The following HTR3B variants were observed in gnomAD, a reference collection of about 807,000 sequenced individuals.
HTR3B encodes the protein 5-hydroxytryptamine receptor 3B, also known as 5-hydroxytryptamine (serotonin) receptor 3B, ionotropic.
In HTR3B, 44 loss-of-function variants were observed where a neutral mutation model predicts 42.8. That is an observed-to-expected ratio of 1.03 (90% confidence interval 0.81 to 1.32). The LOEUF (loss-of-function observed/expected upper bound fraction) is 1.32. Ranked by LOEUF, HTR3B falls within the 40% of genes most tolerant of loss-of-function variation. HTR3B has a pLI of 0.00. For synonymous variants in HTR3B, 203 were observed against 209.0 expected, an observed-to-expected ratio of 0.97 and a Z score of 0.25; for missense variants, 527 against 536.5, an observed-to-expected ratio of 0.98 and a Z score of 0.17.
intron 2 of HTR3B, among the ~76,000 whole-genome samples, chr11:113,913,161 A>G (rs1413579524): frequency 6.6e-6 from 1 of 150,640 alleles, no homozygotes; most frequent in East Asian, 1.9e-4. Context: ...TTAGTTTGTT[A>G]TGGTTTGAAT....
At chr11:113,910,685 C>T (rs967762115) in intron 2 of HTR3B, among the ~76,000 whole-genome samples, 7 of 152,068 alleles carry the variant, frequency 4.6e-5, no homozygotes, top group Non-Finnish European at 8.8e-5. Context: ...AGTGATCCAT[C>T]TGCCTCGGCC....
chr11:113,923,684 A>T (rs548795428), intron 2 of HTR3B, among the ~76,000 whole-genome samples: 1 of 152,346 alleles, frequency 6.6e-6, no homozygotes, highest in South Asian at 2.1e-4. Context: ...TGCTTTTAAC[A>T]AGCAAGATGG....
Position 113,933,081 on chromosome 11 carries a change from G to A in HTR3B, c.684G>A (p.Gln228=), listed in dbSNP as rs571732147. 2.5e-6 allele frequency: 4 copies of A among 1,613,706 alleles called. No individual in the cohort carries two copies. The African/African-American group carries it at 4.0e-5, about 16-fold the overall frequency. The change falls in exon 6 of 9, where the codon CAG becomes CAA. Residue 228 remains glutamine (Q), a synonymous_variant. Transcript: ENST00000260191. Reference sequence around the variant, plus strand: ...AGAGCAGCGCTGGAGGATTTGCACAGATTCAGTTTAATGTAGGTTCTTTAC... The same window carrying A: ...AGAGCAGCGCTGGAGGATTTGCACAAATTCAGTTTAATGTAGGTTCTTTAC... ...ILQSSAGGFA[Q]IQFNVVMRRH...
rs1001435044 is a variant in HTR3B at position 113,948,211 on chromosome 11, G to A, written c.*2074G>A. Among the ~76,000 whole-genome samples, 2 of 152,084 alleles carry A rather than the reference G, an allele frequency of 1.3e-5. No individual in the cohort carries two copies. The highest frequency in any genetic ancestry group is 2.9e-5 in the Non-Finnish European group (2 of 68,026). ...TACTGCTGGCCTCCTCTGCTTTGAC[G>A]TGCTCAGTTAGGCATCACGGTCCTG... On this transcript the variant is annotated 3_prime_UTR_variant, in exon 9 of 9. Coordinates refer to ENST00000260191, the MANE Select transcript of HTR3B (RefSeq NM_006028.5).
chr11:113,944,550 G>A (rs1326693247), intron 7 of HTR3B, 23 bp from the exon 8 acceptor site: 6 of 1,607,072 alleles, frequency 3.7e-6, no homozygotes, highest in Non-Finnish European at 5.1e-6. Context: ...GAGGCTAACT[G>A]CACCTCTTCT....
At chr11:113,899,513 C>G in the HTR3B span, among the ~76,000 whole-genome samples, 1 of 152,086 alleles carries the variant, frequency 6.6e-6, no homozygotes, top group Non-Finnish European at 1.5e-5. Context: ...AGCATGACTG[C>G]CAAGGGAGTG....
In HTR3B at chr11:113,923,876, G is replaced by A. The variant is rs973198486; in HGVS notation, c.214-7508G>A. ...ATTGTGTTCTTCAGGGCTGAATGAC[G>A]AATCCTCTCAACCACCCCCATAAAG... On this transcript the variant is annotated intron_variant, in intron 2 of 8. Coordinates refer to ENST00000260191, the MANE Select transcript of HTR3B (RefSeq NM_006028.5). Among the ~76,000 whole-genome samples the A allele has an allele frequency of 3.3e-5, 5 of 152,172 alleles. No homozygotes were observed. In the Middle Eastern group the frequency reaches 0.017, roughly 518 times the overall value.
chr11:113,948,424 C>T lies in HTR3B; in HGVS notation c.*2287C>T, dbSNP rs1950195206. Among the ~76,000 whole-genome samples the T allele has an allele frequency of 6.6e-6, 1 of 152,248 alleles. No homozygotes were observed. The highest frequency in any genetic ancestry group is 2.1e-4 in the South Asian group (1 of 4,832). ...AGTCCTGATGATTACGGTCCTGGCT[C>T]TGCCATTACCTAGCCAGGGGACCTC... On this transcript the variant is annotated 3_prime_UTR_variant, in exon 9 of 9. Transcript: ENST00000260191.
intron 1 of HTR3B, chr11:113,909,018 T>C (rs750944397): frequency 1.6e-4 from 86 of 545,002 alleles, no homozygotes; most frequent in Admixed American, 3.6e-4. Flanking sequence ...AAATGCAAGA[T>C]TGTTGTAAAA....
chr11:113,917,218 C>T (rs543306824), intron 2 of HTR3B, among the ~76,000 whole-genome samples: 68 of 151,686 alleles, frequency 4.5e-4, no homozygotes, highest in Middle Eastern at 3.5e-3. Context: ...CTGTAAACTC[C>T]GCTTCCCGGG....
In HTR3B at chr11:113,933,533, T is replaced by A. The variant is rs571366299; in HGVS notation, c.696+440T>A. Among the ~76,000 whole-genome samples, 29 of 152,286 alleles carry A rather than the reference T, an allele frequency of 1.9e-4. No individual in the cohort carries two copies. In the South Asian group the frequency reaches 6.0e-3, roughly 32 times the overall value. On this transcript the variant is annotated intron_variant, in intron 6 of 8. Coordinates refer to ENST00000260191, the MANE Select transcript of HTR3B (RefSeq NM_006028.5). ...TCAACTAATTCCAGATGCAGATGCA[T>A]AATACGATAATATTATTAACTTGAA...
At chr11:113,904,693 G>T, upstream of HTR3B, 2 of 471,298 alleles carry the variant, frequency 4.2e-6, no homozygotes, top group South Asian at 5.7e-5. Context: ...TGATCTTGGG[G>T]CAGAACCAAA....
chr11:113,923,146 G>T (rs755680871), intron 2 of HTR3B, among the ~76,000 whole-genome samples: 7 of 152,156 alleles, frequency 4.6e-5, no homozygotes, highest in Non-Finnish European at 1.0e-4. Context: ...AGTTCCAGAG[G>T]CAGGGACAGT....
In HTR3B at chr11:113,943,042, C is replaced by G; in HGVS notation, c.757C>G (p.Leu253Val). 1 of 1,614,122 alleles carries G rather than the reference C, an allele frequency of 6.2e-7. No homozygotes were observed. Among genetic ancestry groups the G allele is most frequent in the South Asian group, 1.1e-5 (1 of 91,076 alleles). ...GAGTCTGCTGATTCCTAGCATCTTT[C>G]TCATGCTGGTGGACCTGGGGAGCTT... ...VVSLLIPSIF[L>V]MLVDLGSFYL... Residue 253 changes from leucine (L) to valine (V), a missense_variant, in exon 7 of 9, where the codon CTC (leucine) becomes GTC (valine). By Grantham distance (32) the Leu-to-Val change is conservative (BLOSUM62 1). Coordinates refer to ENST00000260191, the MANE Select transcript of HTR3B (RefSeq NM_006028.5).
intron 2 of HTR3B, among the ~76,000 whole-genome samples, chr11:113,921,224 C>T (rs1335292720): frequency 1.3e-5 from 2 of 151,166 alleles, no homozygotes; most frequent in African/African-American, 2.4e-5. Context: ...CGGCTCACTG[C>T]AACCTCCGCC....
chr11:113,942,030 T>C (rs979398551), intron 6 of HTR3B, among the ~76,000 whole-genome samples: 1 of 152,032 alleles, frequency 6.6e-6, no homozygotes, highest in Non-Finnish European at 1.5e-5. Flanking sequence ...GACACACAGG[T>C]GCTAAGGAGT....
At chr11:113,915,808 A>T (rs944787652) in intron 2 of HTR3B, among the ~76,000 whole-genome samples, 4 of 152,150 alleles carry the variant, frequency 2.6e-5, no homozygotes, top group African/African-American at 4.8e-5. Flanking sequence ...CAGTTTCTCC[A>T]CATAATCACT....
chr11:113,944,067 T>C (rs1372273088), intron 7 of HTR3B, among the ~76,000 whole-genome samples: 1 of 149,742 alleles, frequency 6.7e-6, no homozygotes, highest in Non-Finnish European at 1.5e-5. Context: ...GTCTCCAGGC[T>C]GGAGTGCAGT....
chr11:113,907,735 T>G (rs745313437), intron 1 of HTR3B, among the ~76,000 whole-genome samples: 4 of 152,170 alleles, frequency 2.6e-5, no homozygotes, highest in Non-Finnish European at 5.9e-5. Flanking sequence ...TTTCTCAGAA[T>G]TATGTTTTAA....
Sources: allele counts gnomAD v4.1 joint callset (sites outside exome capture counted in the v4.1 genomes callset), GRCh38; gene constraint gnomAD v4.1.1; transcripts MANE v1.5; gene names NCBI Gene and HGNC (gene_info 2026-07-23, HGNC 2026-07-21).